Variants in SLC4A4 observed in about 807,000 individuals in gnomAD.
SLC4A4 encodes the protein electrogenic sodium bicarbonate cotransporter 1.
A neutral mutation model predicts 111.5 loss-of-function variants in SLC4A4; 27 were observed. That is an observed-to-expected ratio of 0.24 (90% CI 0.18 to 0.33). The LOEUF (loss-of-function observed/expected upper bound fraction) is 0.33. SLC4A4 is among the 10% of genes least tolerant of loss of function. The probability of loss-of-function intolerance (pLI) is 1.00; values close to 1 mark genes in which losing one functional copy is unlikely to be tolerated. For missense variants in SLC4A4, 909 were observed against 1,315.5 expected (o/e 0.69, Z 4.78); for synonymous variants, 443 against 463.4 (o/e 0.96, Z 0.57).
rs923161627 is a variant in SLC4A4, at chr4:71,111,710, G to T, written c.-2+18918G>T. On this transcript the variant is annotated intron_variant, in intron 2 of 26. Transcript: ENST00000649996. The stretch of plus-strand genomic sequence containing the variant: ...CCGCTAAATTTCTTTTTATTTATTT[G>T]TTTGAGACAGAATCTCACTCTATCA... Among the ~76,000 whole-genome samples, 3 of 143,462 alleles carry T rather than the reference G, an allele frequency of 2.1e-5. No individual in the cohort carries two copies. The East Asian group carries it at 6.4e-4, about 31-fold the overall frequency. The allele number at this position is 143,462 out of a possible 152,430, so 94.1% of individuals were successfully genotyped here.
At chr4:71,321,887 A>G (rs543113750) in intron 3 of SLC4A4, among the ~76,000 whole-genome samples, 16 of 152,160 alleles carry the variant, frequency 1.1e-4, no homozygotes, top group African/African-American at 3.6e-4. Flanking sequence ...ATGTTGTCTG[A>G]GAACAGTGAA....
upstream of SLC4A4, among the ~76,000 whole-genome samples, chr4:71,185,935 T>C (rs1745436190): frequency 6.6e-6 from 1 of 152,238 alleles, no homozygotes; most frequent in Non-Finnish European, 1.5e-5. Flanking sequence ...ACATACACAT[T>C]ACATATAATA....
intron 4 of SLC4A4, among the ~76,000 whole-genome samples, chr4:71,341,678 G>C (rs1728917612): frequency 6.6e-6 from 1 of 152,008 alleles, no homozygotes; most frequent in Non-Finnish European, 1.5e-5. Context: ...TGCTTTGTAG[G>C]CTTATGGATT....
chr4:71,360,034 T>G (rs1485444509), intron 6 of SLC4A4, among the ~76,000 whole-genome samples: 1 of 152,188 alleles, frequency 6.6e-6, no homozygotes, highest in African/African-American at 2.4e-5. Flanking sequence ...GCAAGCTGGT[T>G]GTTAAATACA....
intron 1 of SLC4A4, among the ~76,000 whole-genome samples, chr4:71,079,177 T>A (rs548259436): frequency 1.3e-5 from 2 of 152,172 alleles, no homozygotes; most frequent in Non-Finnish European, 2.9e-5. Context: ...GGTGAAATTG[T>A]GACATGCCTC....
intron 15 of SLC4A4, among the ~76,000 whole-genome samples, chr4:71,495,021 G>A (rs1419028273): frequency 1.3e-5 from 2 of 151,762 alleles, no homozygotes; most frequent in East Asian, 3.9e-4. Flanking sequence ...CAAATATGCT[G>A]AGATATGTGC....
At chr4:71,145,601 A>G (rs551695095) in intron 2 of SLC4A4, among the ~76,000 whole-genome samples, 1 of 152,220 alleles carries the variant, frequency 6.6e-6, no homozygotes, top group East Asian at 1.9e-4. Flanking sequence ...TTGGTGAGCT[A>G]TTAATTATTG....
intron 18 of SLC4A4, among the ~76,000 whole-genome samples, chr4:71,536,678 T>A (rs1415912417): frequency 1.3e-5 from 2 of 150,046 alleles, no homozygotes; most frequent in East Asian, 4.0e-4. Context: ...GTATTTTTAG[T>A]AGAGACGGGT....
chr4:71,242,863 C>T (rs1720362579), intron 2 of SLC4A4, among the ~76,000 whole-genome samples: 2 of 151,982 alleles, frequency 1.3e-5, no homozygotes, highest in South Asian at 4.1e-4. Flanking sequence ...TAGCCTTTGC[C>T]TTCCTAACCA....
chr4:71,276,079 T>A (rs1265166753), intron 3 of SLC4A4, among the ~76,000 whole-genome samples: 1 of 152,202 alleles, frequency 6.6e-6, no homozygotes, highest in Non-Finnish European at 1.5e-5. Flanking sequence ...GGGGAGACAG[T>A]ATGGCAGTCA....
intron 22 of SLC4A4, among the ~76,000 whole-genome samples, chr4:71,558,938 C>T (rs1736720227): frequency 6.6e-6 from 1 of 151,672 alleles, no homozygotes; most frequent in Non-Finnish European, 1.5e-5. Flanking sequence ...TTAGTGTTAT[C>T]TGCCTACCTA....
chr4:71,571,982 A>G lies in SLC4A4; in HGVS notation c.*4231A>G, dbSNP rs1737955623. On this transcript the variant is annotated 3_prime_UTR_variant, in exon 26 of 26. Coordinates refer to ENST00000264485, the MANE Select transcript of SLC4A4 (RefSeq NM_001098484.3). ...ATTTTACAGTTTTATGAAGCTTTCT[A>G]TTGTGACTTTTATGGAATTAAGAGA... 1 of 152,298 alleles carries G rather than the reference A, an allele frequency of 6.6e-6. No homozygotes were observed. The highest frequency in any genetic ancestry group is 2.4e-5 in the African/African-American group (1 of 41,416). The allele number at this position is 152,298 out of a possible 1,614,324, so 9.4% of individuals were successfully genotyped here. A position where few individuals can be genotyped will look rare whatever the true frequency, so the allele number is the denominator to read the frequency against.
At chr4:71,366,771 A>G (rs1731373998) in intron 6 of SLC4A4, among the ~76,000 whole-genome samples, 1 of 152,222 alleles carries the variant, frequency 6.6e-6, no homozygotes, top group Admixed American at 6.5e-5. Context: ...ACTTCTCAAA[A>G]TTTGATATTT....
At chr4:71,137,433 G>A (rs1172664479) in intron 2 of SLC4A4, among the ~76,000 whole-genome samples, 1 of 152,180 alleles carries the variant, frequency 6.6e-6, no homozygotes, top group African/African-American at 2.4e-5. Context: ...AGCCTGAAGT[G>A]ACTTTTCCAT....
chr4:71,285,496 C>T (rs1291580088), intron 3 of SLC4A4, among the ~76,000 whole-genome samples: 1 of 152,098 alleles, frequency 6.6e-6, no homozygotes, highest in East Asian at 1.9e-4. Flanking sequence ...GTCAAGTTTA[C>T]TGGGGGCTGG....
chr4:71,489,215 C>A (rs1050417092), intron 15 of SLC4A4, among the ~76,000 whole-genome samples: 1 of 151,674 alleles, frequency 6.6e-6, no homozygotes, highest in Non-Finnish European at 1.5e-5. Context: ...AGTTAACTGA[C>A]CTCCCAAAGA....
chr4:71,168,212 C>T (rs1238306688), intron 2 of SLC4A4, among the ~76,000 whole-genome samples: 1 of 119,286 alleles, frequency 8.4e-6, no homozygotes, highest in African/African-American at 3.5e-5. Context: ...GATGGGGTCT[C>T]ATTCTGTTGC....
At chr4:71,361,950 C>T (rs771466850) in intron 6 of SLC4A4, among the ~76,000 whole-genome samples, 5 of 152,068 alleles carry the variant, frequency 3.3e-5, no homozygotes, top group African/African-American at 4.8e-5. Context: ...ATAAGATGAT[C>T]AGACTTTTTT....
chr4:71,185,501 A>T (rs1489370576), upstream of SLC4A4, among the ~76,000 whole-genome samples: 1 of 152,200 alleles, frequency 6.6e-6, no homozygotes, highest in African/African-American at 2.4e-5. Context: ...ATATCACTGC[A>T]CTGGGTTATG....
Sources: allele counts gnomAD v4.1 joint callset (sites outside exome capture counted in the v4.1 genomes callset), GRCh38; gene constraint gnomAD v4.1.1; transcripts MANE v1.5; gene names NCBI Gene and HGNC (gene_info 2026-07-23, HGNC 2026-07-21).